SMOC1: variants seen among roughly 807,000 people sequenced by gnomAD.
The protein encoded by SMOC1 is SPARC-related modular calcium-binding protein 1.
Under a neutral mutation model 56.3 loss-of-function variants are expected in SMOC1, and 22 were observed. That is an observed-to-expected ratio of 0.39 (90% CI 0.28 to 0.56). The LOEUF (loss-of-function observed/expected upper bound fraction) is 0.56, where lower values mean the gene tolerates loss of function less well. Ranked by LOEUF, SMOC1 falls within the 20% of genes least tolerant of loss-of-function variation. The probability of loss-of-function intolerance (pLI) is 0.61; values close to 1 mark genes in which losing one functional copy is unlikely to be tolerated. For synonymous variants in SMOC1, 193 were observed against 215.0 expected (o/e 0.90, Z 0.89); for missense variants, 509 against 565.4 (o/e 0.90, Z 1.01).
intron 3 of SMOC1, among the ~76,000 whole-genome samples, 173 bp downstream of exon 3, chr14:69,953,705 A>G (rs1883088454): frequency 6.6e-6 from 1 of 151,984 alleles, no homozygotes; most frequent in African/African-American, 2.4e-5. Flanking sequence ...CCGTCCCTCC[A>G]TGCCACCTCT....
chr14:69,894,444 C>G (rs1477353978), intron 1 of SMOC1, among the ~76,000 whole-genome samples: 1 of 152,154 alleles, frequency 6.6e-6, no homozygotes, highest in African/African-American at 2.4e-5. Context: ...TCGACTTGGG[C>G]CCAGGTTTCT....
chr14:69,917,689 T>C (rs1884722000), intron 1 of SMOC1, among the ~76,000 whole-genome samples: 1 of 152,244 alleles, frequency 6.6e-6, no homozygotes, highest in Non-Finnish European at 1.5e-5. Context: ...GCTGTTCTTT[T>C]CCTCTTTCTT....
chr14:69,895,867 CTT>C (rs71448303), intron 1 of SMOC1, among the ~76,000 whole-genome samples: 76,839 of 122,556 alleles, frequency 0.63, 26,847 homozygotes, highest in East Asian at 0.88. Context: ...CTCTTTTTTT[CTT>C]TTTTTTTTTT....
At chr14:69,894,860 G>C (rs1291959281) in intron 1 of SMOC1, among the ~76,000 whole-genome samples, 2 of 152,234 alleles carry the variant, frequency 1.3e-5, no homozygotes, top group Admixed American at 1.3e-4. Context: ...GATAGGCCAT[G>C]TGAAGATGAT....
intron 3 of SMOC1, among the ~76,000 whole-genome samples, chr14:69,956,697 A>G (rs1434808289): frequency 1.3e-5 from 2 of 151,566 alleles, no homozygotes; most frequent in East Asian, 1.9e-4. Flanking sequence ...TTCATGTGGG[A>G]CTCGCTGGCC....
chr14:69,992,870 G>A (rs80300773), intron 6 of SMOC1, among the ~76,000 whole-genome samples: 4,677 of 152,196 alleles, frequency 0.031, 128 homozygotes, highest in Middle Eastern at 0.11. Context: ...GAGCCCCTCT[G>A]GGGGATGAAA....
At chr14:70,002,068 C>G (rs1266008225) in intron 7 of SMOC1, among the ~76,000 whole-genome samples, 1 of 152,202 alleles carries the variant, frequency 6.6e-6, no homozygotes, top group Admixed American at 6.5e-5. Context: ...TTCCCTCTGA[C>G]CGCCCTGAGT....
intron 5 of SMOC1, among the ~76,000 whole-genome samples, chr14:69,980,563 G>C (rs531715673): frequency 2.0e-5 from 3 of 152,230 alleles, no homozygotes; most frequent in Non-Finnish European, 4.4e-5. Flanking sequence ...AGCCACACCT[G>C]TCCAGGAAGC....
At chr14:70,010,563 C>T (rs1885298520) in intron 7 of SMOC1, among the ~76,000 whole-genome samples, 191 bp from the exon 8 acceptor site, 1 of 152,236 alleles carries the variant, frequency 6.6e-6, no homozygotes, top group Admixed American at 6.5e-5. Flanking sequence ...CAGGGAGGTT[C>T]TGAACCTCCA....
intron 1 of SMOC1, among the ~76,000 whole-genome samples, chr14:69,903,674 T>C (rs1177949915): frequency 6.6e-6 from 1 of 152,152 alleles, no homozygotes; most frequent in Non-Finnish European, 1.5e-5. Context: ...CGGTGCAAGA[T>C]GTGCTTTGTT....
At chr14:69,939,943 A>G (rs541243484) in intron 1 of SMOC1, among the ~76,000 whole-genome samples, 1 of 152,346 alleles carries the variant, frequency 6.6e-6, no homozygotes, top group South Asian at 2.1e-4. Flanking sequence ...GTGCCAGAGC[A>G]GGGATGGGCT....
intron 11 of SMOC1, among the ~76,000 whole-genome samples, chr14:70,024,854 A>G (rs183513015): frequency 7.9e-5 from 12 of 152,330 alleles, no homozygotes; most frequent in African/African-American, 2.9e-4. Flanking sequence ...TTTAAAAAGT[A>G]TTCTGGTTTC....
chr14:69,940,400 T>C (rs1882506792), intron 1 of SMOC1, among the ~76,000 whole-genome samples: 1 of 152,216 alleles, frequency 6.6e-6, no homozygotes, highest in African/African-American at 2.4e-5. Context: ...ATTTGTGTTC[T>C]TAGTAATGCT....
At chr14:69,925,940 A>G (rs1884997937) in intron 1 of SMOC1, among the ~76,000 whole-genome samples, 1 of 152,108 alleles carries the variant, frequency 6.6e-6, no homozygotes, top group South Asian at 2.1e-4. Context: ...CACCCTGGAG[A>G]GGAGTCTTAG....
intron 7 of SMOC1, among the ~76,000 whole-genome samples, chr14:70,008,119 T>G (rs1235190657): frequency 6.6e-6 from 1 of 150,528 alleles, no homozygotes; most frequent in Non-Finnish European, 1.5e-5. Context: ...TCATTTTTAT[T>G]ATTTTATTTT....
rs545169038 is a variant in SMOC1, at chr14:69,982,989, T to C, written c.526+5024T>C. On this transcript the variant is annotated intron_variant, in intron 5 of 11. Coordinates refer to ENST00000361956, the MANE Select transcript of SMOC1 (RefSeq NM_001034852.3). ...GCCTCCACCAAGCCTGGAATGTTCA[T>C]ATACCAGCTTCGCAGAGGTCAGTTT... 2.1e-4 allele frequency among the ~76,000 whole-genome samples: 32 copies of C among 152,338 alleles called. No homozygotes were observed. The South Asian group carries it at 6.4e-3, about 31-fold the overall frequency.
chr14:69,963,975 C>T (rs1025629198), intron 3 of SMOC1, among the ~76,000 whole-genome samples: 9 of 152,164 alleles, frequency 5.9e-5, no homozygotes, highest in Non-Finnish European at 4.4e-5. Context: ...GGATGGAGCA[C>T]GCTTTGTGCT....
At chr14:69,964,100 T>C (rs1883481088) in intron 3 of SMOC1, among the ~76,000 whole-genome samples, 3 of 152,252 alleles carry the variant, frequency 2.0e-5, no homozygotes, top group African/African-American at 7.2e-5. Context: ...CTCTTCAGAT[T>C]GGCTGGCATC....
chr14:69,882,616 T>C (rs1443044614), intron 1 of SMOC1, among the ~76,000 whole-genome samples: 1 of 152,202 alleles, frequency 6.6e-6, no homozygotes, highest in Non-Finnish European at 1.5e-5. Context: ...GCCGTTTCTT[T>C]AATCCTGCAC....
Sources: allele counts gnomAD v4.1 joint callset (sites outside exome capture counted in the v4.1 genomes callset), GRCh38; gene constraint gnomAD v4.1.1; transcripts MANE v1.5; gene names NCBI Gene and HGNC (gene_info 2026-07-23, HGNC 2026-07-21).